Variants in LPAR3 observed in about 807,000 individuals in gnomAD.
LPAR3 encodes lysophosphatidic acid receptor 3.
In LPAR3, 7 loss-of-function variants were observed where a neutral mutation model predicts 17.8. The observed-to-expected ratio is 0.39, with a 90% CI of 0.22 to 0.74. The LOEUF (loss-of-function observed/expected upper bound fraction) is 0.74. Among genes scored for constraint, LPAR3 ranks in the 30% least tolerant of loss-of-function variants. The probability of loss-of-function intolerance (pLI) is 0.40; values close to 1 mark genes in which losing one functional copy is unlikely to be tolerated. For missense variants in LPAR3, 391 were observed against 453.4 expected, an observed-to-expected ratio of 0.86 and a Z score of 1.25; for synonymous variants, 179 against 179.9, an observed-to-expected ratio of 0.99 and a Z score of 0.04.
At chr1:84,868,625 A>T (rs1426338890) in intron 1 of LPAR3, among the ~76,000 whole-genome samples, 1 of 152,166 alleles carries the variant, frequency 6.6e-6, no homozygotes, top group Non-Finnish European at 1.5e-5. Context: ...CCCTAACTGC[A>T]GTGATATTAA....
intron 2 of LPAR3, among the ~76,000 whole-genome samples, chr1:84,853,102 GAAAAGAA>G (rs1659751026): frequency 4.7e-5 from 1 of 21,452 alleles, no homozygotes; most frequent in South Asian, 2.4e-3. Flanking sequence ...AATAAGAAAA[GAAAAGAA>G]AAAAAAAAAA....
intron 1 of LPAR3, among the ~76,000 whole-genome samples, chr1:84,868,693 G>A (rs1660101526): frequency 6.6e-6 from 1 of 152,096 alleles, no homozygotes. Context: ...AGGCCTGAGA[G>A]AACTCGTGAG....
Position 84,829,089 on chromosome 1 carries a change from CCCAGCCCAGCAGCCA to C in LPAR3, c.737-14933_737-14919del, listed in dbSNP as rs1473212136. Among the ~76,000 whole-genome samples, 700 of 150,674 alleles carry C rather than the reference CCCAGCCCAGCAGCCA, an allele frequency of 4.6e-3. 8 individuals are homozygous for C. The highest frequency in any genetic ancestry group is 0.017 in the African/African-American group (675 of 40,766). ...TTTCTTTGTGCCATGTAAATTAATA[CCCAGCCCAGCAGCCA>C]TTCCCTAAAATATTATTCTGCTTGA... On this transcript the variant is annotated intron_variant, in intron 2 of 2. Coordinates refer to ENST00000370611, the MANE Select transcript of LPAR3 (RefSeq NM_012152.3).
At chr1:84,844,171 A>G (rs953114471) in intron 2 of LPAR3, among the ~76,000 whole-genome samples, 3 of 152,226 alleles carry the variant, frequency 2.0e-5, no homozygotes, top group African/African-American at 7.2e-5. Context: ...GAATGAATGA[A>G]TAAGAATGGT....
intron 1 of LPAR3, among the ~76,000 whole-genome samples, chr1:84,866,489 A>C (rs745567494): frequency 6.6e-6 from 1 of 152,194 alleles, no homozygotes; most frequent in African/African-American, 2.4e-5. Context: ...ATGAATTCTC[A>C]TGGAGGCATC....
chr1:84,858,161 C>T (rs1659863484), intron 2 of LPAR3, among the ~76,000 whole-genome samples: 1 of 152,018 alleles, frequency 6.6e-6, no homozygotes, highest in Non-Finnish European at 1.5e-5. Flanking sequence ...CTTCAGAGAC[C>T]TCGGCTTCTC....
chr1:84,849,388 A>G (rs991959864), intron 2 of LPAR3, among the ~76,000 whole-genome samples: 1 of 151,192 alleles, frequency 6.6e-6, no homozygotes, highest in African/African-American at 2.4e-5. Context: ...AAAAAAAAAA[A>G]AAAAAGAAAG....
chr1:84,864,252 A>G (rs1419004871), intron 2 of LPAR3, among the ~76,000 whole-genome samples: 3 of 151,848 alleles, frequency 2.0e-5, no homozygotes, highest in Non-Finnish European at 2.9e-5. Context: ...GAATCTGACC[A>G]TCACCTTCAA....
At chr1:84,840,628 A>G (rs770885658) in intron 2 of LPAR3, among the ~76,000 whole-genome samples, 15 of 152,198 alleles carry the variant, frequency 9.9e-5, no homozygotes, top group Admixed American at 2.0e-4. Context: ...TCAGATTTTG[A>G]GAATGTTTAG....
At chr1:84,873,293 C>G (rs182132031) in intron 1 of LPAR3, among the ~76,000 whole-genome samples, 2 of 152,294 alleles carry the variant, frequency 1.3e-5, no homozygotes, top group Admixed American at 1.3e-4. Flanking sequence ...ATAAGGGATA[C>G]TGTGTGTGGG....
In LPAR3 at chr1:84,811,968, GT is replaced by G. The variant is rs1658822412; in HGVS notation, c.*1877del. On this transcript the variant is annotated 3_prime_UTR_variant, in exon 3 of 3. Coordinates refer to ENST00000370611, the MANE Select transcript of LPAR3 (RefSeq NM_012152.3). The stretch of plus-strand genomic sequence containing the variant: ...TCTTTCTTAACTACTTGTCTTTCAT[GT>G]TGCCTACTTAGGTCTCTGAAGGAGA... 6.6e-6 allele frequency: 1 copy of G among 151,920 alleles called. No individual in the cohort carries two copies. Among genetic ancestry groups the G allele is most frequent in the South Asian group, 2.1e-4 (1 of 4,798 alleles). The allele number at this position is 151,920 out of a possible 1,614,324, so 9.4% of individuals were successfully genotyped here. A position where few individuals can be genotyped will look rare whatever the true frequency, so the allele number is the denominator to read the frequency against.
chr1:84,827,276 T>C (rs149537412), intron 2 of LPAR3, among the ~76,000 whole-genome samples: 169 of 152,240 alleles, frequency 1.1e-3, no homozygotes, highest in Non-Finnish European at 2.1e-3. Context: ...TCACAAATGA[T>C]CATTTTCCCC....
At position 84,813,691 on chromosome 1, in the gene LPAR3, T is replaced by C. The variant is rs1156703587; in HGVS notation, c.*155A>G. The C allele has an allele frequency of 4.8e-6, 3 of 629,804 alleles. No individual in the cohort carries two copies. Among genetic ancestry groups the C allele is most frequent in the Non-Finnish European group, 8.1e-6 (3 of 368,102 alleles). The allele number at this position is 629,804 out of a possible 1,614,324, so 39.0% of individuals were successfully genotyped here. A position where few individuals can be genotyped will look rare whatever the true frequency, so the allele number is the denominator to read the frequency against. ...CAGGTCCTCTCTTTACTGCCCATGCTTTTAAACTATGAAAAAAAATTTTTT... is the reference window on the plus strand; with the variant it reads ...CAGGTCCTCTCTTTACTGCCCATGCCTTTAAACTATGAAAAAAAATTTTTT... On this transcript the variant is annotated 3_prime_UTR_variant, in exon 3 of 3. Transcript: ENST00000370611.
At chr1:84,848,457 G>A (rs921769500) in intron 2 of LPAR3, among the ~76,000 whole-genome samples, 1 of 152,158 alleles carries the variant, frequency 6.6e-6, no homozygotes, top group Admixed American at 6.5e-5. Flanking sequence ...TCATGCAGAG[G>A]CCAGCAAAGA....
chr1:84,861,288 G>C (rs1402005637), intron 2 of LPAR3, among the ~76,000 whole-genome samples: 1 of 152,106 alleles, frequency 6.6e-6, no homozygotes, highest in Non-Finnish European at 1.5e-5. Context: ...TAGTATGTAG[G>C]GAACTGGGGG....
chr1:84,859,022 G>C (rs564954994), intron 2 of LPAR3, among the ~76,000 whole-genome samples: 1 of 152,268 alleles, frequency 6.6e-6, no homozygotes, highest in East Asian at 1.9e-4. Flanking sequence ...GACAAAATGG[G>C]GGAAGCGCAA....
intron 2 of LPAR3, among the ~76,000 whole-genome samples, chr1:84,815,163 C>T (rs1658908059): frequency 2.6e-5 from 4 of 152,146 alleles, no homozygotes. Flanking sequence ...AGTTAAGTAA[C>T]TTGCCTATGA....
intron 2 of LPAR3, among the ~76,000 whole-genome samples, chr1:84,853,324 G>A (rs1382886085): frequency 1.3e-5 from 2 of 152,186 alleles, no homozygotes; most frequent in East Asian, 3.8e-4. Context: ...GATGTGACCT[G>A]TGCAGGTGGA....
intron 2 of LPAR3, among the ~76,000 whole-genome samples, chr1:84,854,197 C>T (rs934631638): frequency 5.3e-5 from 8 of 152,178 alleles, no homozygotes; most frequent in Non-Finnish European, 8.8e-5. Flanking sequence ...TTTCTACCCA[C>T]GGCCCTGGCA....
Sources: gnomAD v4.1 joint callset for allele counts (sites outside exome capture counted in the v4.1 genomes callset) on GRCh38, gnomAD v4.1.1 for gene constraint, MANE v1.5 for transcripts, NCBI Gene and HGNC (gene_info 2026-07-23, HGNC 2026-07-21) for gene names.